TNFRSF8: variants seen among roughly 807,000 people sequenced by gnomAD.
TNFRSF8 encodes the protein tumor necrosis factor receptor superfamily member 8.
Under a neutral mutation model 70.8 loss-of-function variants are expected in TNFRSF8, and 26 were observed. The ratio of observed to expected loss-of-function variants is 0.37; its 90% CI spans 0.27 to 0.51. The LOEUF is 0.51. Among genes scored for constraint, TNFRSF8 ranks in the 20% least tolerant of loss-of-function variants. TNFRSF8 has a pLI of 0.94. For synonymous variants in TNFRSF8, 356 were observed against 339.2 expected (o/e 1.05, Z -0.54); for missense variants, 720 against 807.9 (o/e 0.89, Z 1.32).
At position 12,063,374 on chromosome 1, in the gene TNFRSF8, T is replaced by C. The variant is rs1461361574; in HGVS notation, c.-225T>C. On this transcript the variant is annotated 5_prime_UTR_variant, in exon 1 of 15. Coordinates refer to ENST00000263932, the MANE Select transcript of TNFRSF8 (RefSeq NM_001243.5). The surrounding 1 kb of genome is among the most constrained non-coding windows in gnomAD (Gnocchi z 7.2). ...GTAGCTAAGTGTTCCTGGAACCAATTTGATACGGGAGAACTAAGGCTGAAA... is the reference window on the plus strand; with the variant it reads ...GTAGCTAAGTGTTCCTGGAACCAATCTGATACGGGAGAACTAAGGCTGAAA... 10 of 393,790 alleles carry C rather than the reference T, an allele frequency of 2.5e-5. No homozygotes were observed. In the South Asian group the frequency reaches 4.1e-4, roughly 16 times the overall value. The allele number at this position is 393,790 out of a possible 1,614,324, so 24.4% of individuals were successfully genotyped here.
rs397829917 is a variant in TNFRSF8, at chr1:12,076,097, C to CTTTTTTTTTTTTTT, written c.64-8362_64-8361insTTTTTTTTTTTTTT. Among the ~76,000 whole-genome samples the CTTTTTTTTTTTTTT allele has an allele frequency of 2.7e-4, 37 of 139,504 alleles. 1 individual carries two copies. The highest frequency in any genetic ancestry group is 3.7e-4 in the Non-Finnish European group (24 of 64,402). The allele number at this position is 139,504 out of a possible 152,430, so 91.5% of individuals were successfully genotyped here. On this transcript the variant is annotated intron_variant, in intron 1 of 14. Coordinates refer to ENST00000263932, the MANE Select transcript of TNFRSF8 (RefSeq NM_001243.5). ...TTCTTGGTTTTATTCTTTTTTTTTTCTTTTTCTTTTTTTTTTTTTTGAGAT... is the reference window on the plus strand; with the variant it reads ...TTCTTGGTTTTATTCTTTTTTTTTTCTTTTTTTTTTTTTTTTTTTCTTTTTTTTTTTTTTGAGAT...
intron 2 of TNFRSF8, among the ~76,000 whole-genome samples, chr1:12,094,632 C>CTT (rs1250138093): frequency 1.4e-4 from 14 of 101,534 alleles, no homozygotes; most frequent in Non-Finnish European, 2.1e-4. Flanking sequence ...TTTTTTTTTG[C>CTT]TTTTTTTTTT....
chr1:12,142,748 C>A lies in TNFRSF8; in HGVS notation c.*217C>A. The A allele has an allele frequency of 1.6e-6, 1 of 616,086 alleles. No homozygotes were observed. Among genetic ancestry groups the A allele is most frequent in the Non-Finnish European group, 2.8e-6 (1 of 359,982 alleles). 38.2% of individuals were successfully genotyped at this position (616,086 alleles called of 1,614,324 possible). On this transcript the variant is annotated 3_prime_UTR_variant, in exon 15 of 15. Transcript: ENST00000263932. This position sits in a 1 kb window ranked among gnomAD's most constrained non-coding sequence, Gnocchi z 5.0. ...GACCCAGAGCCTAGGGGATCCGGGG[C>A]TTGTACAGAAGAGACAGTCCAAGGG...
Position 12,088,640 on chromosome 1 carries a change from G to A in TNFRSF8, c.151+4089G>A, listed in dbSNP as rs1350455996. 6.6e-6 allele frequency among the ~76,000 whole-genome samples: 1 copy of A among 152,240 alleles called. No homozygotes were observed. Among genetic ancestry groups the A allele is most frequent in the Non-Finnish European group, 1.5e-5 (1 of 68,044 alleles). ...ACAGGAAGGGGTCTCTCCTGCAGAT[G>A]TTTGAGGCCTGCCCAGGTTCAGGGG... On this transcript the variant is annotated intron_variant, in intron 2 of 14. Transcript: ENST00000263932. The surrounding 1 kb of genome is among the most constrained non-coding windows in gnomAD (Gnocchi z 4.0).
At chr1:12,082,163 A>G (rs1456464937) in intron 1 of TNFRSF8, among the ~76,000 whole-genome samples, 1 of 152,166 alleles carries the variant, frequency 6.6e-6, no homozygotes, top group Non-Finnish European at 1.5e-5. Flanking sequence ...CTGGAATCTC[A>G]ACAAAGAATT....
chr1:12,133,928 C>T (rs555680162), intron 12 of TNFRSF8, among the ~76,000 whole-genome samples: 1 of 152,014 alleles, frequency 6.6e-6, no homozygotes, highest in South Asian at 2.1e-4. Context: ...TGGCACATGT[C>T]GGTAATCCCA....
chr1:12,065,601 G>A (rs1413537546), intron 1 of TNFRSF8, among the ~76,000 whole-genome samples: 1 of 152,034 alleles, frequency 6.6e-6, no homozygotes, highest in East Asian at 1.9e-4. Context: ...TGTTTTAATA[G>A]ACATATATAT....
chr1:12,070,889 G>C (rs1422696878), intron 1 of TNFRSF8, among the ~76,000 whole-genome samples: 1 of 152,188 alleles, frequency 6.6e-6, no homozygotes. Flanking sequence ...CTGCTGATAT[G>C]AATCTCTGGG....
rs969554166 is a variant in TNFRSF8 at position 12,115,868 on chromosome 1, G to A, written c.946+139G>A. 26 of 872,354 alleles carry A rather than the reference G, an allele frequency of 3.0e-5. No homozygotes were observed. The African/African-American group carries it at 4.3e-4, about 14-fold the overall frequency. 54.0% of individuals were successfully genotyped at this position (872,354 alleles called of 1,614,324 possible). ...TTCATTAGGTCAGGTTTGGGTTCTG[G>A]TTATCCTTTGAGTAGTCAGACTCAG... On this transcript the variant is annotated intron_variant, in intron 8 of 14. Transcript: ENST00000263932.
chr1:12,099,620 A>G (rs1379361668), intron 3 of TNFRSF8, among the ~76,000 whole-genome samples: 1 of 151,956 alleles, frequency 6.6e-6, no homozygotes, highest in Non-Finnish European at 1.5e-5. Flanking sequence ...TATAAATTAT[A>G]GTCATGTATT....
In TNFRSF8 at chr1:12,088,065, T is replaced by C. The variant is rs574341422; in HGVS notation, c.151+3514T>C. Among the ~76,000 whole-genome samples the C allele has an allele frequency of 1.4e-3, 210 of 152,268 alleles. 3 individuals carry two copies. Among genetic ancestry groups the C allele is most frequent in the African/African-American group, 4.9e-3 (204 of 41,560 alleles). On this transcript the variant is annotated intron_variant, in intron 2 of 14. Coordinates refer to ENST00000263932, the MANE Select transcript of TNFRSF8 (RefSeq NM_001243.5). The surrounding 1 kb of genome is among the most constrained non-coding windows in gnomAD (Gnocchi z 4.0). ...GCCCTGTGCAGCCAGCACTCAGCTGTGTGGCCGGGTTTGCTTGTGGGCGGG... is the reference window on the plus strand; with the variant it reads ...GCCCTGTGCAGCCAGCACTCAGCTGCGTGGCCGGGTTTGCTTGTGGGCGGG...
At chr1:12,140,654 C>T (rs1642235154) in intron 14 of TNFRSF8, among the ~76,000 whole-genome samples, 2 of 152,200 alleles carry the variant, frequency 1.3e-5, no homozygotes, top group South Asian at 4.1e-4. Context: ...GAGCTGCTTC[C>T]TCACCCAGAG....
chr1:12,103,747 C>G (rs1307592565), intron 3 of TNFRSF8, among the ~76,000 whole-genome samples: 1 of 152,216 alleles, frequency 6.6e-6, no homozygotes, highest in Non-Finnish European at 1.5e-5. Flanking sequence ...CCTGCCTCGG[C>G]CTCCCAAAGT....
At chr1:12,075,192 C>T (rs1023975103) in intron 1 of TNFRSF8, among the ~76,000 whole-genome samples, 5 of 151,432 alleles carry the variant, frequency 3.3e-5, no homozygotes, top group South Asian at 2.1e-4. Context: ...TATAGTGAGC[C>T]GAGATTGCAC....
intron 1 of TNFRSF8, among the ~76,000 whole-genome samples, chr1:12,066,928 C>T (rs1033056471): frequency 2.0e-5 from 3 of 152,354 alleles, no homozygotes; most frequent in South Asian, 2.1e-4. Context: ...GCTGGGATTA[C>T]AGGCGTGAGC....
intron 2 of TNFRSF8, among the ~76,000 whole-genome samples, chr1:12,085,207 T>A (rs571313748): frequency 6.6e-6 from 1 of 151,902 alleles, no homozygotes; most frequent in Non-Finnish European, 1.5e-5. Flanking sequence ...ACCTCCCGGG[T>A]TCAAGCGATT....
chr1:12,101,145 G>A (rs573130249), intron 3 of TNFRSF8, among the ~76,000 whole-genome samples: 115 of 152,200 alleles, frequency 7.6e-4, no homozygotes, highest in Middle Eastern at 3.4e-3. Flanking sequence ...TAATGATAAG[G>A]CCGGCTTGGT....
intron 1 of TNFRSF8, among the ~76,000 whole-genome samples, chr1:12,080,839 C>T (rs145084244): frequency 0.013 from 1,947 of 152,270 alleles, 48 homozygotes; most frequent in African/African-American, 0.045. Context: ...GGACTACAGG[C>T]GTGAGCCACC....
At chr1:12,078,420 C>T (rs1272557364) in intron 1 of TNFRSF8, among the ~76,000 whole-genome samples, 1 of 152,046 alleles carries the variant, frequency 6.6e-6, no homozygotes, top group Non-Finnish European at 1.5e-5. Flanking sequence ...AAAAATTAGC[C>T]AGGTGTGGTG....
Sources: allele counts gnomAD v4.1 joint callset (sites outside exome capture counted in the v4.1 genomes callset), GRCh38; gene constraint gnomAD v4.1.1; non-coding constraint Gnocchi (gnomAD v3.1); transcripts MANE v1.5; gene names NCBI Gene and HGNC (gene_info 2026-07-23, HGNC 2026-07-21).